The following INO80 variants were observed in gnomAD, a reference collection of about 807,000 sequenced individuals.
The protein encoded by INO80 is INO80 complex ATPase subunit.
A neutral mutation model predicts 203.4 loss-of-function variants in INO80; 20 were observed. That is an observed-to-expected ratio of 0.10 (90% CI 0.07 to 0.14). The LOEUF (loss-of-function observed/expected upper bound fraction) is 0.14. INO80 is among the 10% of genes least tolerant of loss of function. The probability of loss-of-function intolerance (pLI) is 1.00; values close to 1 mark genes in which losing one functional copy is unlikely to be tolerated. For missense variants in INO80, 1,419 were observed against 1,914.4 expected, an observed-to-expected ratio of 0.74 and a Z score of 4.83; for synonymous variants, 726 against 685.2, an observed-to-expected ratio of 1.06 and a Z score of -0.93.
intron 6 of INO80, 46 bp from the exon 7 acceptor site, chr15:41,085,629 G>A (rs1344717741): frequency 1.3e-6 from 2 of 1,488,982 alleles, no homozygotes; most frequent in Admixed American, 1.7e-5. Flanking sequence ...ACAGGAGATA[G>A]TCACAAAGCA....
chr15:40,985,531 T>C lies in INO80; in HGVS notation c.3833-105A>G, dbSNP rs2043718414. On this transcript the variant is annotated intron_variant, in intron 31 of 35. Transcript: ENST00000648947. ...TCCCCTGATGTTTATTTTCCAAGTA[T>C]CACTTCTATCTGTTTAAGGCAGATA... The C allele has an allele frequency of 1.5e-5, 13 of 853,708 alleles. No homozygotes were observed. The South Asian group carries it at 1.8e-4, about 12-fold the overall frequency. The allele number at this position is 853,708 out of a possible 1,614,324, so 52.9% of individuals were successfully genotyped here.
Position 41,051,094 on chromosome 15 carries a change from A to G in INO80, c.2275-992T>C, listed in dbSNP as rs564366640. Among the ~76,000 whole-genome samples, 100 of 140,660 alleles carry G rather than the reference A, an allele frequency of 7.1e-4. 1 individual carries two copies. The highest frequency in any genetic ancestry group is 2.7e-3 in the African/African-American group (96 of 35,364). 92.3% of individuals were successfully genotyped at this position (140,660 alleles called of 152,430 possible). On this transcript the variant is annotated intron_variant, in intron 19 of 35. Transcript: ENST00000648947. ...CAGTGAGCCGAGATTGCACCATTGC[A>G]CTCCAGCCTGGGTGACAGAATGAGA...
At chr15:41,109,674 G>A (rs1466354128) in intron 1 of INO80, among the ~76,000 whole-genome samples, 2 of 151,828 alleles carry the variant, frequency 1.3e-5, no homozygotes, top group Admixed American at 6.6e-5. Flanking sequence ...GCTCACACCT[G>A]TAATCCCAGC....
intron 28 of INO80, chr15:41,004,441 T>C (rs1310077131): frequency 6.6e-6 from 1 of 152,174 alleles, no homozygotes; most frequent in Non-Finnish European, 1.5e-5. Flanking sequence ...AATTCAGAAG[T>C]GAAATATTAA....
intron 24 of INO80, among the ~76,000 whole-genome samples, chr15:41,042,069 A>T (rs762114703): frequency 6.7e-6 from 1 of 149,194 alleles, no homozygotes; most frequent in African/African-American, 2.5e-5. Context: ...GCTGGAGTGC[A>T]GGTGCATGAT....
chr15:41,098,286 C>CA (rs1392337103), intron 1 of INO80, among the ~76,000 whole-genome samples: 1 of 151,984 alleles, frequency 6.6e-6, no homozygotes, highest in African/African-American at 2.4e-5. Flanking sequence ...CATGACTGAC[C>CA]ATAAAAAATT....
intron 32 of INO80, 70 bp from the exon 33 acceptor site, chr15:40,984,422 GA>G: frequency 7.0e-7 from 1 of 1,431,070 alleles, no homozygotes; most frequent in Non-Finnish European, 9.7e-7. Context: ...GATTTGGGAA[GA>G]AAAGGATAAC....
At chr15:41,061,166 G>C (rs2045097943) in intron 14 of INO80, among the ~76,000 whole-genome samples, 1 of 151,902 alleles carries the variant, frequency 6.6e-6, no homozygotes, top group Non-Finnish European at 1.5e-5. Context: ...AGTTAGCTAG[G>C]TGTGGTGACA....
intron 29 of INO80, among the ~76,000 whole-genome samples, chr15:40,996,146 T>C (rs1023822314): frequency 5.9e-5 from 9 of 152,132 alleles, no homozygotes; most frequent in Admixed American, 3.3e-4. Flanking sequence ...CTCCTCACAG[T>C]TGTGGGGATT....
chr15:41,089,763 GAA>G (rs2045608441), intron 5 of INO80, among the ~76,000 whole-genome samples: 2 of 149,920 alleles, frequency 1.3e-5, no homozygotes, highest in African/African-American at 4.9e-5. Flanking sequence ...AAAAAAGAAA[GAA>G]AGAGTCAGAA....
chr15:41,099,355 G>T (rs528647951), intron 1 of INO80, among the ~76,000 whole-genome samples: 1 of 150,964 alleles, frequency 6.6e-6, no homozygotes, highest in South Asian at 2.1e-4. Flanking sequence ...CCATTGTGGC[G>T]ATAGTTCCAC....
At chr15:41,005,201 A>AG (rs1412851317) in intron 28 of INO80, 2 of 12,168 alleles carry the variant, frequency 1.6e-4, no homozygotes, top group Non-Finnish European at 1.1e-3. Context: ...TCACACACAC[A>AG]AAAAAAAAAA....
chr15:41,045,178 A>T, intron 23 of INO80, 103 bp from the exon 24 acceptor site: 1 of 819,634 alleles, frequency 1.2e-6, no homozygotes, highest in Non-Finnish European at 1.8e-6. Context: ...CTCTTTTGTA[A>T]ATCTTTATCA....
chr15:41,054,830 G>A (rs1317509704), intron 18 of INO80, among the ~76,000 whole-genome samples: 1 of 152,104 alleles, frequency 6.6e-6, no homozygotes, highest in South Asian at 2.1e-4. Context: ...TAGAGACAGG[G>A]TTTCACCATG....
At chr15:41,040,470 T>C (rs1256301440) in intron 24 of INO80, among the ~76,000 whole-genome samples, 2 of 152,182 alleles carry the variant, frequency 1.3e-5, no homozygotes, top group Non-Finnish European at 2.9e-5. Context: ...CCAGTAAGAA[T>C]GGTCTTTTCA....
At chr15:41,093,324 C>A (rs775607754) in intron 4 of INO80, among the ~76,000 whole-genome samples, 2 of 151,998 alleles carry the variant, frequency 1.3e-5, no homozygotes, top group African/African-American at 4.8e-5. Context: ...ACTCAGGAGG[C>A]TGAGACAGGA....
chr15:41,080,004 C>T, intron 8 of INO80, 100 bp from the exon 9 acceptor site: 1 of 1,018,380 alleles, frequency 9.8e-7, no homozygotes, highest in Non-Finnish European at 1.5e-6. Context: ...TTCAGCCAAA[C>T]TGTCATCCTT....
At chr15:41,003,002 C>A (rs1006402577) in intron 28 of INO80, among the ~76,000 whole-genome samples, 1 of 152,004 alleles carries the variant, frequency 6.6e-6, no homozygotes, top group Non-Finnish European at 1.5e-5. Flanking sequence ...CGCCTGTAGT[C>A]CCAGCTACTC....
chr15:41,023,722 TTG>T (rs2044329728), intron 25 of INO80, among the ~76,000 whole-genome samples: 1 of 135,738 alleles, frequency 7.4e-6, no homozygotes, highest in Non-Finnish European at 1.5e-5. Context: ...TGAGCTGAGA[TTG>T]CACCACTGCA....
Sources: allele counts gnomAD v4.1 joint callset (sites outside exome capture counted in the v4.1 genomes callset), GRCh38; gene constraint gnomAD v4.1.1; transcripts MANE v1.5; gene names NCBI Gene and HGNC (gene_info 2026-07-23, HGNC 2026-07-21).